Variants in COTL1 observed in about 807,000 individuals in gnomAD.
COTL1 encodes the protein coactosin like F-actin binding protein 1.
A neutral mutation model predicts 16.5 loss-of-function variants in COTL1; 15 were observed. The ratio of observed to expected loss-of-function variants is 0.91; its 90% confidence interval spans 0.61 to 1.40. The LOEUF (loss-of-function observed/expected upper bound fraction) is 1.40, where lower values mean the gene tolerates loss of function less well. COTL1 is among the 40% of genes most tolerant of loss of function. The pLI, the probability that COTL1 is intolerant of heterozygous loss-of-function variation, is 0.00. For synonymous variants in COTL1, 112 were observed against 85.3 expected (o/e 1.31, Z -1.73); for missense variants, 220 against 201.5 (o/e 1.09, Z -0.56).
In COTL1 at chr16:84,611,638, G is replaced by A. The variant is rs577595461; in HGVS notation, c.160+5863C>T. Among the ~76,000 whole-genome samples the A allele has an allele frequency of 5.9e-5, 9 of 152,278 alleles. No homozygotes were observed. The South Asian group carries it at 1.9e-3, about 32-fold the overall frequency. On this transcript the variant is annotated intron_variant, in intron 2 of 3. Coordinates refer to ENST00000262428, the MANE Select transcript of COTL1 (RefSeq NM_021149.5). Reference sequence around the variant, plus strand: ...GCCCCACAGAGTAGCAGTCCCATATGTCGAATGAATTAAATGAATAAACAG... The same window carrying A: ...GCCCCACAGAGTAGCAGTCCCATATATCGAATGAATTAAATGAATAAACAG...
At chr16:84,574,618 C>T (rs1357993096) in intron 3 of COTL1, among the ~76,000 whole-genome samples, 1 of 152,180 alleles carries the variant, frequency 6.6e-6, no homozygotes, top group African/African-American at 2.4e-5. Context: ...CGGACTCTCA[C>T]TCTGTTGCCC....
chr16:84,615,433 C>G (rs1038163713), intron 2 of COTL1, among the ~76,000 whole-genome samples: 1 of 152,222 alleles, frequency 6.6e-6, no homozygotes, highest in African/African-American at 2.4e-5. Context: ...TGCCAGGAGC[C>G]TCCTGATGGG....
intron 2 of COTL1, among the ~76,000 whole-genome samples, chr16:84,615,848 T>C (rs1905463208): frequency 7.4e-6 from 1 of 135,524 alleles, no homozygotes; most frequent in Non-Finnish European, 1.6e-5. Flanking sequence ...GGAGTAATTT[T>C]AGTTTTGTGT....
chr16:84,590,344 C>CGAG lies in COTL1; in HGVS notation c.161-85_161-83dup. 2.6e-6 allele frequency: 4 copies of CGAG among 1,526,100 alleles called. No individual in the cohort carries two copies. The highest frequency in any genetic ancestry group is 3.6e-6 in the Non-Finnish European group (4 of 1,120,432). The allele number at this position is 1,526,100 out of a possible 1,614,324, so 94.5% of individuals were successfully genotyped here. A position where few individuals can be genotyped will look rare whatever the true frequency, so the allele number is the denominator to read the frequency against. On this transcript the variant is annotated intron_variant, in intron 2 of 3. Coordinates refer to ENST00000262428, the MANE Select transcript of COTL1 (RefSeq NM_021149.5). This position sits in a 1 kb window ranked among gnomAD's most constrained non-coding sequence, Gnocchi z 5.5. ...GTCCCTGGGGAGAGGCTGTGAGCCA[C>CGAG]GAGTGCGCCTGGAGCAGCACAGCAG...
chr16:84,602,171 G>C (rs1361043298), intron 2 of COTL1, among the ~76,000 whole-genome samples: 1 of 150,494 alleles, frequency 6.6e-6, no homozygotes, highest in Non-Finnish European at 1.5e-5. Context: ...AGGCTTTTCA[G>C]TTCCAAATTT....
Position 84,590,714 on chromosome 16 carries a change from G to A in COTL1, c.161-452C>T, listed in dbSNP as rs1363921809. 6.6e-6 allele frequency among the ~76,000 whole-genome samples: 1 copy of A among 152,130 alleles called. No homozygotes were observed. Among genetic ancestry groups the A allele is most frequent in the East Asian group, 1.9e-4 (1 of 5,204 alleles). ...AATTTAAAAATAAAAATTTAAAAAG[G>A]CTCAAATTATGGATCTTATTTAGGG... On this transcript the variant is annotated intron_variant, in intron 2 of 3. Coordinates refer to ENST00000262428, the MANE Select transcript of COTL1 (RefSeq NM_021149.5). The surrounding 1 kb of genome is among the most constrained non-coding windows in gnomAD (Gnocchi z 5.5).
intron 3 of COTL1, chr16:84,569,274 T>C (rs8052541): frequency 0.12 from 18,679 of 152,228 alleles, 1,392 homozygotes; most frequent in East Asian, 0.21. Context: ...TGAGCCAAGA[T>C]CGCGCCACTG....
intron 3 of COTL1, among the ~76,000 whole-genome samples, chr16:84,573,017 G>C (rs1050527498): frequency 3.9e-5 from 6 of 152,052 alleles, no homozygotes; most frequent in African/African-American, 1.4e-4. Context: ...GCCTCCCAAA[G>C]TGCTAGAATT....
chr16:84,568,513 C>G (rs565177992), intron 3 of COTL1: 20 of 152,246 alleles, frequency 1.3e-4, no homozygotes, highest in African/African-American at 4.3e-4. Flanking sequence ...GGATGAACCT[C>G]GGAAACAGGA....
rs1329190499 is a variant in COTL1 at position 84,591,229 on chromosome 16, G to T, written c.161-967C>A. Among the ~76,000 whole-genome samples the T allele has an allele frequency of 3.3e-5, 5 of 150,500 alleles. No individual in the cohort carries two copies. The East Asian group carries it at 9.8e-4, about 29-fold the overall frequency. ...GACAGAGTCTCGCTCTGTCGCCCAGGCTGAAGTGCAGTGGCGCGATCTCGA... is the reference window on the plus strand; with the variant it reads ...GACAGAGTCTCGCTCTGTCGCCCAGTCTGAAGTGCAGTGGCGCGATCTCGA... On this transcript the variant is annotated intron_variant, in intron 2 of 3. Coordinates refer to ENST00000262428, the MANE Select transcript of COTL1 (RefSeq NM_021149.5).
In COTL1 at chr16:84,610,452, C is replaced by A. The variant is rs760954254; in HGVS notation, c.160+7049G>T. On this transcript the variant is annotated intron_variant, in intron 2 of 3. Transcript: ENST00000262428. ...GTACTCTCTATAAATGGTAGACATG[C>A]CCTGTGAGCTCCAAGCCCTCATTAT... Among the ~76,000 whole-genome samples, 4 of 152,310 alleles carry A rather than the reference C, an allele frequency of 2.6e-5. 1 individual carries two copies. Among genetic ancestry groups the A allele is most frequent in the East Asian group, 3.9e-4 (2 of 5,186 alleles).
intron 2 of COTL1, among the ~76,000 whole-genome samples, chr16:84,597,676 G>A (rs145470331): frequency 2.0e-5 from 3 of 152,290 alleles, no homozygotes; most frequent in African/African-American, 7.2e-5. Flanking sequence ...GAGAGGGGAC[G>A]AGACAAAGGT....
Position 84,616,396 on chromosome 16 carries a change from A to C in COTL1, c.160+1105T>G, listed in dbSNP as rs375612470. ...TGGGCGCCTGTAATCCCAGCTACTC[A>C]GGAGGCTGAGGCAGGAGAATCTCTT... On this transcript the variant is annotated intron_variant, in intron 2 of 3. Transcript: ENST00000262428. 3.3e-5 allele frequency: 5 copies of C among 152,174 alleles called. No homozygotes were observed. The East Asian group carries it at 9.6e-4, about 29-fold the overall frequency. 9.4% of individuals were successfully genotyped at this position (152,174 alleles called of 1,614,324 possible). A position where few individuals can be genotyped will look rare whatever the true frequency, so the allele number is the denominator to read the frequency against.
At chr16:84,598,086 G>A (rs926786629) in intron 2 of COTL1, among the ~76,000 whole-genome samples, 1 of 152,200 alleles carries the variant, frequency 6.6e-6, no homozygotes, top group African/African-American at 2.4e-5. Flanking sequence ...GAGGACGGTG[G>A]TTTCCTTCTG....
At chr16:84,581,165 A>ATG (rs869262647) in intron 3 of COTL1, among the ~76,000 whole-genome samples, 1 of 151,878 alleles carries the variant, frequency 6.6e-6, no homozygotes, top group African/African-American at 2.4e-5. Flanking sequence ...AAACAAATAA[A>ATG]TATATGTATG....
At chr16:84,580,824 C>A (rs944806236) in intron 3 of COTL1, among the ~76,000 whole-genome samples, 1 of 152,138 alleles carries the variant, frequency 6.6e-6, no homozygotes, top group African/African-American at 2.4e-5. Context: ...TTTTATTTTT[C>A]AATTGTGCAA....
intron 3 of COTL1, among the ~76,000 whole-genome samples, chr16:84,571,751 G>A (rs754515561): frequency 3.3e-5 from 5 of 152,228 alleles, no homozygotes; most frequent in Admixed American, 6.5e-5. Context: ...TGGGTGAGAC[G>A]GTGAGACGGG....
chr16:84,578,566 G>T (rs1244543719), intron 3 of COTL1, among the ~76,000 whole-genome samples: 1 of 152,080 alleles, frequency 6.6e-6, no homozygotes, highest in Non-Finnish European at 1.5e-5. Context: ...TCACCAGGTG[G>T]AGGAACAGAC....
At chr16:84,594,810 G>C (rs533622571) in intron 2 of COTL1, 1 of 152,118 alleles carries the variant, frequency 6.6e-6, no homozygotes, top group Non-Finnish European at 1.5e-5. Flanking sequence ...AAGGCTTCGG[G>C]CTGAGCCAGC....
Sources: gnomAD v4.1 joint callset for allele counts (sites outside exome capture counted in the v4.1 genomes callset) on GRCh38, gnomAD v4.1.1 for gene constraint, Gnocchi (gnomAD v3.1) non-coding constraint, MANE v1.5 for transcripts, NCBI Gene and HGNC (gene_info 2026-07-23, HGNC 2026-07-21) for gene names.